CORO2B: variants seen among roughly 807,000 people sequenced by gnomAD.
The protein encoded by CORO2B is coronin 2B, also known as coronin-2B.
A neutral mutation model predicts 58.8 loss-of-function variants in CORO2B; 26 were observed. The observed-to-expected ratio is 0.44, with a 90% confidence interval of 0.32 to 0.61. The LOEUF is 0.61. CORO2B is among the 20% of genes least tolerant of loss of function. The pLI is 0.04. For missense variants in CORO2B, 460 were observed against 645.1 expected, an observed-to-expected ratio of 0.71 and a Z score of 3.11; for synonymous variants, 242 against 253.8, an observed-to-expected ratio of 0.95 and a Z score of 0.44.
intron 2 of CORO2B, among the ~76,000 whole-genome samples, chr15:68,649,585 G>T (rs1380553271): frequency 6.6e-6 from 1 of 152,092 alleles, no homozygotes; most frequent in African/African-American, 2.4e-5. Flanking sequence ...GGATCCCAAA[G>T]AACTTTTGTT....
chr15:68,710,418 A>G lies in CORO2B; in HGVS notation c.334-314A>G, dbSNP rs1892885618. ...TAGGCTTTTTAACACAACATTTGCT[A>G]AAAGGGGCTCATGCATGTTCTTCTT... On this transcript the variant is annotated intron_variant, in intron 3 of 11. Transcript: ENST00000261861. This position sits in a 1 kb window ranked among gnomAD's most constrained non-coding sequence, Gnocchi z 4.1. 1.3e-5 allele frequency among the ~76,000 whole-genome samples: 2 copies of G among 152,234 alleles called. No homozygotes were observed. The highest frequency in any genetic ancestry group is 1.3e-4 in the Admixed American group (2 of 15,274).
At chr15:68,598,279 C>T (rs1313422891) in intron 1 of CORO2B, among the ~76,000 whole-genome samples, 1 of 152,212 alleles carries the variant, frequency 6.6e-6, no homozygotes, top group African/African-American at 2.4e-5. Flanking sequence ...TGGCCCAGGC[C>T]ATGTGGGTTT....
the CORO2B span, among the ~76,000 whole-genome samples, chr15:68,561,715 G>A: frequency 6.6e-6 from 1 of 152,238 alleles, no homozygotes; most frequent in Non-Finnish European, 1.5e-5. Flanking sequence ...CTGTTATCGT[G>A]TACAGGACTG....
chr15:68,650,427 A>C, intron 2 of CORO2B, among the ~76,000 whole-genome samples: 3 of 150,518 alleles, frequency 2.0e-5, no homozygotes, highest in African/African-American at 2.5e-5. Context: ...CCTGGCCAAC[A>C]TGGTGAAACC....
intron 1 of CORO2B, among the ~76,000 whole-genome samples, chr15:68,584,864 G>A (rs1184655679): frequency 6.6e-6 from 1 of 151,250 alleles, no homozygotes; most frequent in African/African-American, 2.4e-5. Flanking sequence ...AAGGACAGAT[G>A]CAAATCCAGT....
At chr15:68,705,424 G>A (rs1296270529) in intron 3 of CORO2B, among the ~76,000 whole-genome samples, 1 of 105,988 alleles carries the variant, frequency 9.4e-6, no homozygotes, top group Non-Finnish European at 1.8e-5. Flanking sequence ...GGCAAAAGGT[G>A]AAACTCTATC....
At chr15:68,588,432 C>A (rs184030039) in intron 1 of CORO2B, among the ~76,000 whole-genome samples, 4 of 152,294 alleles carry the variant, frequency 2.6e-5, no homozygotes, top group Admixed American at 2.6e-4. Context: ...GTCCTGCTTT[C>A]ATTTGAAAAG....
At chr15:68,681,605 C>T (rs1324908801) in intron 2 of CORO2B, among the ~76,000 whole-genome samples, 1 of 151,656 alleles carries the variant, frequency 6.6e-6, no homozygotes, top group Non-Finnish European at 1.5e-5. Context: ...GAAGTGTGAC[C>T]CCTGTAGGGT....
In CORO2B at chr15:68,710,608, T is replaced by C. The variant is rs1332223282; in HGVS notation, c.334-124T>C. On this transcript the variant is annotated intron_variant, in intron 3 of 11. Transcript: ENST00000261861. This position sits in a 1 kb window ranked among gnomAD's most constrained non-coding sequence, Gnocchi z 4.1. Reference sequence around the variant, plus strand: ...CCTCAGTCGAGCTTTGCCCATCGCCTCAAGCCAGGAGGTGGCTCATCAGGC... The same window carrying C: ...CCTCAGTCGAGCTTTGCCCATCGCCCCAAGCCAGGAGGTGGCTCATCAGGC... 1.7e-6 allele frequency: 2 copies of C among 1,212,098 alleles called. No individual in the cohort carries two copies. Among genetic ancestry groups the C allele is most frequent in the East Asian group, 5.4e-5 (2 of 36,738 alleles). The allele number at this position is 1,212,098 out of a possible 1,614,324, so 75.1% of individuals were successfully genotyped here. A position where few individuals can be genotyped will look rare whatever the true frequency, so the allele number is the denominator to read the frequency against.
In CORO2B at chr15:68,579,237, C is replaced by CCT; in HGVS notation, c.-25_-24insTC. ...GCCGCCCCCGCACGCCGCGCCCGCG[C>CCT]CCCCGCTCCGCCGCGGAGTTTCTGC... On this transcript the variant is annotated 5_prime_UTR_variant, in exon 1 of 12. Coordinates refer to ENST00000261861, the MANE Select transcript of CORO2B (RefSeq NM_006091.5). 8.6e-7 allele frequency: 1 copy of CCT among 1,156,154 alleles called. No homozygotes were observed. The highest frequency in any genetic ancestry group is 1.1e-6 in the Non-Finnish European group (1 of 938,890). The allele number at this position is 1,156,154 out of a possible 1,614,324, so 71.6% of individuals were successfully genotyped here.
chr15:68,681,539 C>A (rs1236794811), intron 2 of CORO2B, among the ~76,000 whole-genome samples: 2 of 152,074 alleles, frequency 1.3e-5, no homozygotes, highest in East Asian at 3.9e-4. Context: ...GGGAGATAAT[C>A]ACCATTTTCA....
At chr15:68,523,265 G>A in the CORO2B span, among the ~76,000 whole-genome samples, 6 of 151,834 alleles carry the variant, frequency 4.0e-5, no homozygotes, top group Non-Finnish European at 8.8e-5. Context: ...CATAATCATG[G>A]CTCACTGCAG....
chr15:68,662,531 C>T (rs1199866900), intron 2 of CORO2B, among the ~76,000 whole-genome samples: 1 of 152,216 alleles, frequency 6.6e-6, no homozygotes, highest in East Asian at 1.9e-4. Context: ...ATGAAAAATA[C>T]ATCAAGAACC....
chr15:68,610,399 C>T (rs1444065420), intron 1 of CORO2B, among the ~76,000 whole-genome samples: 1 of 152,124 alleles, frequency 6.6e-6, no homozygotes, highest in Non-Finnish European at 1.5e-5. Context: ...TGTATACCCC[C>T]CAATTTAACA....
chr15:68,657,818 A>G (rs1033338524), intron 2 of CORO2B, among the ~76,000 whole-genome samples: 2 of 152,206 alleles, frequency 1.3e-5, no homozygotes, highest in Admixed American at 6.5e-5. Flanking sequence ...TAGTGAAAAT[A>G]TAGATGTAAG....
At chr15:68,638,992 G>A (rs1901122039) in intron 1 of CORO2B, among the ~76,000 whole-genome samples, 1 of 152,226 alleles carries the variant, frequency 6.6e-6, no homozygotes, top group South Asian at 2.1e-4. Flanking sequence ...TTCTGGTGAT[G>A]AGGAGTCTAA....
At chr15:68,696,526 C>A (rs1382749936) in intron 3 of CORO2B, among the ~76,000 whole-genome samples, 1 of 143,452 alleles carries the variant, frequency 7.0e-6, no homozygotes, top group Non-Finnish European at 1.5e-5. Context: ...TCCATGCACT[C>A]CAGGCTGGGT....
the CORO2B span, among the ~76,000 whole-genome samples, chr15:68,554,670 C>T: frequency 6.6e-6 from 1 of 152,228 alleles, no homozygotes; most frequent in African/African-American, 2.4e-5. Flanking sequence ...GGTTTAATCT[C>T]ATTCACTCTA....
intron 1 of CORO2B, among the ~76,000 whole-genome samples, chr15:68,603,314 T>C (rs1051801854): frequency 2.6e-5 from 4 of 152,174 alleles, no homozygotes; most frequent in Admixed American, 2.6e-4. Context: ...TGGGAGGGTA[T>C]GCACAGATGA....
Sources: gnomAD v4.1 joint callset for allele counts (sites outside exome capture counted in the v4.1 genomes callset) on GRCh38, gnomAD v4.1.1 for gene constraint, Gnocchi (gnomAD v3.1) non-coding constraint, MANE v1.5 for transcripts, NCBI Gene and HGNC (gene_info 2026-07-23, HGNC 2026-07-21) for gene names.